Variants in C19orf47 observed in about 807,000 individuals in gnomAD.
C19orf47 encodes chromosome 19 open reading frame 47.
A neutral mutation model predicts 32.3 loss-of-function variants in C19orf47; 18 were observed. The ratio of observed to expected loss-of-function variants is 0.56; its 90% CI spans 0.39 to 0.83. The LOEUF is 0.83. Ranked by LOEUF, C19orf47 falls within the 40% of genes least tolerant of loss-of-function variation. The pLI, the probability that C19orf47 is intolerant of heterozygous loss-of-function variation, is 0.00. For synonymous variants in C19orf47, 202 were observed against 211.1 expected, an observed-to-expected ratio of 0.96 and a Z score of 0.37; for missense variants, 484 against 531.6, an observed-to-expected ratio of 0.91 and a Z score of 0.88.
chr19:40,305,015 G>A, the C19orf47 span, among the ~76,000 whole-genome samples: 1 of 152,052 alleles, frequency 6.6e-6, no homozygotes, highest in East Asian at 1.9e-4. Context: ...GATCACTTGA[G>A]GCCAGGAGTT....
At chr19:40,302,892 T>C in the C19orf47 span, among the ~76,000 whole-genome samples, 1 of 152,154 alleles carries the variant, frequency 6.6e-6, no homozygotes, top group African/African-American at 2.4e-5. Context: ...TGATAGAGAC[T>C]TCAGATAAAT....
At chr19:40,314,119 G>A in the C19orf47 span, among the ~76,000 whole-genome samples, 3 of 152,072 alleles carry the variant, frequency 2.0e-5, no homozygotes, top group Non-Finnish European at 4.4e-5. Context: ...GAGCCTGAAA[G>A]TAAGGACACA....
chr19:40,311,284 C>T, the C19orf47 span, among the ~76,000 whole-genome samples: 1 of 151,888 alleles, frequency 6.6e-6, no homozygotes, highest in African/African-American at 2.4e-5. Context: ...GAGGCTGAGG[C>T]AGGAGAATCG....
chr19:40,303,249 C>G, the C19orf47 span, among the ~76,000 whole-genome samples: 7 of 151,106 alleles, frequency 4.6e-5, no homozygotes, highest in Non-Finnish European at 8.8e-5. Context: ...ACAGGCCAGG[C>G]GCAGTAGCTC....
rs763451294 is a variant in C19orf47, at chr19:40,331,049, G to GT, written c.302-2500dup. Among the ~76,000 whole-genome samples, 83 of 152,294 alleles carry GT rather than the reference G, an allele frequency of 5.4e-4. 1 individual carries two copies. Among genetic ancestry groups the GT allele is most frequent in the Admixed American group, 1.8e-3 (28 of 15,286 alleles). The stretch of plus-strand genomic sequence containing the variant: ...ATTATGGGTGAATGCTTTTCTGAAT[G>GT]TATGTTATGGAGGAGTGTTGCAGAA... On this transcript the variant is annotated intron_variant, in intron 5 of 8. Coordinates refer to ENST00000683109, the MANE Select transcript of C19orf47 (RefSeq NM_001256441.2).
intron 2 of C19orf47, among the ~76,000 whole-genome samples, chr19:40,337,320 T>TTATTATTATTAC (rs1316591626): frequency 1.3e-5 from 2 of 149,324 alleles, no homozygotes; most frequent in African/African-American, 4.9e-5. Flanking sequence ...ATTATTATTA[T>TTATTATTATTAC]TACTATTACT....
chr19:40,303,119 T>C, the C19orf47 span, among the ~76,000 whole-genome samples: 1 of 151,830 alleles, frequency 6.6e-6, no homozygotes, highest in Non-Finnish European at 1.5e-5. Context: ...TCCCAGCTAC[T>C]TGGGAGTCTG....
intron 6 of C19orf47, among the ~76,000 whole-genome samples, 200 bp downstream of exon 6, chr19:40,328,213 C>G (rs555542888): frequency 6.6e-6 from 1 of 152,222 alleles, no homozygotes; most frequent in East Asian, 1.9e-4. Flanking sequence ...ATCGCCACCC[C>G]CCATGCTACA....
chr19:40,303,745 A>C, the C19orf47 span, among the ~76,000 whole-genome samples: 2 of 150,002 alleles, frequency 1.3e-5, no homozygotes, highest in Non-Finnish European at 3.0e-5. Context: ...CAGAGGTTGC[A>C]ATGAGCCGAG....
chr19:40,309,421 T>G, the C19orf47 span, among the ~76,000 whole-genome samples: 1 of 152,108 alleles, frequency 6.6e-6, no homozygotes, highest in Non-Finnish European at 1.5e-5. Context: ...ACTTCTGACC[T>G]CAGGTGATCT....
intron 1 of C19orf47, among the ~76,000 whole-genome samples, chr19:40,346,762 G>A (rs1158161334): frequency 6.6e-6 from 1 of 151,966 alleles, no homozygotes; most frequent in Non-Finnish European, 1.5e-5. Context: ...TCCTGACCTC[G>A]TGATCCGCCC....
the C19orf47 span, among the ~76,000 whole-genome samples, chr19:40,310,594 A>C: frequency 6.6e-6 from 1 of 152,192 alleles, no homozygotes; most frequent in Non-Finnish European, 1.5e-5. Context: ...TGTTCACTTT[A>C]AATGAGTGAA....
chr19:40,315,078 CCTTA>C (rs1489643209), downstream of C19orf47, among the ~76,000 whole-genome samples: 4 of 152,126 alleles, frequency 2.6e-5, no homozygotes, highest in South Asian at 2.1e-4. Flanking sequence ...CACGACAACT[CCTTA>C]CTTGTCAATA....
the C19orf47 span, among the ~76,000 whole-genome samples, chr19:40,301,313 T>TTTTTTTTA: frequency 4.2e-3 from 584 of 140,292 alleles, 6 homozygotes; most frequent in African/African-American, 0.015. Context: ...CTTGAGAGGC[T>TTTTTTTTA]TTTATTTATT....
At chr19:40,308,927 G>A in the C19orf47 span, among the ~76,000 whole-genome samples, 3 of 152,016 alleles carry the variant, frequency 2.0e-5, no homozygotes, top group African/African-American at 4.8e-5. Context: ...AAAATTAGCC[G>A]GGCATGTGCC....
Position 40,319,963 on chromosome 19 carries a change from T to A in C19orf47, c.*1919A>T, listed in dbSNP as rs1173667792. ...GCAATGCAGTCAGAACACAGCTCCC[T>A]CTTCCTTGACCTTCCTCCCGTCTCC... On this transcript the variant is annotated 3_prime_UTR_variant, in exon 9 of 9. Coordinates refer to ENST00000683109, the MANE Select transcript of C19orf47 (RefSeq NM_001256441.2). The A allele has an allele frequency of 6.5e-6, 1 of 154,104 alleles. No homozygotes were observed. Among genetic ancestry groups the A allele is most frequent in the African/African-American group, 2.4e-5 (1 of 41,402 alleles). 9.5% of individuals were successfully genotyped at this position (154,104 alleles called of 1,614,324 possible). A position where few individuals can be genotyped will look rare whatever the true frequency, so the allele number is the denominator to read the frequency against.
chr19:40,305,878 G>A, the C19orf47 span, among the ~76,000 whole-genome samples: 1 of 152,118 alleles, frequency 6.6e-6, no homozygotes, highest in African/African-American at 2.4e-5. Context: ...GCCAGACATG[G>A]TGACCCACGC....
At chr19:40,312,091 C>T in the C19orf47 span, among the ~76,000 whole-genome samples, 1 of 152,164 alleles carries the variant, frequency 6.6e-6, no homozygotes, top group Non-Finnish European at 1.5e-5. Flanking sequence ...TCTTATTTTC[C>T]AACATGACCA....
chr19:40,335,641 G>A (rs1399001481), intron 4 of C19orf47, among the ~76,000 whole-genome samples: 1 of 144,936 alleles, frequency 6.9e-6, no homozygotes, highest in Non-Finnish European at 1.5e-5. Context: ...AGAGAGTCTC[G>A]CTCTGTCGCC....
Sources: gnomAD v4.1 joint callset for allele counts (sites outside exome capture counted in the v4.1 genomes callset) on GRCh38, gnomAD v4.1.1 for gene constraint, MANE v1.5 for transcripts, NCBI Gene and HGNC (gene_info 2026-07-23, HGNC 2026-07-21) for gene names.